Variants in FSTL5 observed in about 807,000 individuals in gnomAD.
FSTL5 encodes the protein follistatin-related protein 5.
In FSTL5, 62 loss-of-function variants were observed where a neutral mutation model predicts 89.1. The ratio of observed to expected loss-of-function variants is 0.70; its 90% CI spans 0.57 to 0.86. The LOEUF is 0.86. Ranked by LOEUF, FSTL5 falls within the 40% of genes least tolerant of loss-of-function variation. The pLI, the probability that FSTL5 is intolerant of heterozygous loss-of-function variation, is 0.00. For missense variants in FSTL5, 1,057 were observed against 1,001.6 expected (o/e 1.06, Z -0.75); for synonymous variants, 383 against 346.2 (o/e 1.11, Z -1.18).
chr4:161,403,117 T>C (rs761560003), intron 15 of FSTL5, among the ~76,000 whole-genome samples: 2 of 152,086 alleles, frequency 1.3e-5, no homozygotes, highest in East Asian at 1.9e-4. Context: ...GCGTGAGCCA[T>C]GGCGCCCGGC....
chr4:161,651,635 G>GT (rs898614808), intron 7 of FSTL5, among the ~76,000 whole-genome samples: 18 of 152,180 alleles, frequency 1.2e-4, no homozygotes, highest in Admixed American at 1.3e-4. Flanking sequence ...GATTTAAAGT[G>GT]TTTTTTCTCA....
intron 4 of FSTL5, among the ~76,000 whole-genome samples, chr4:161,832,056 A>G (rs185402962): frequency 5.3e-5 from 8 of 152,220 alleles, no homozygotes; most frequent in African/African-American, 1.7e-4. Flanking sequence ...GATGCTTAAA[A>G]GAAGGTTATG....
At chr4:162,145,487 A>T (rs1330378686) in intron 1 of FSTL5, among the ~76,000 whole-genome samples, 1 of 152,108 alleles carries the variant, frequency 6.6e-6, no homozygotes, top group Non-Finnish European at 1.5e-5. Context: ...TTCCCTACAT[A>T]TGCACTGAAG....
intron 3 of FSTL5, among the ~76,000 whole-genome samples, chr4:161,982,449 A>T (rs1434244640): frequency 1.3e-5 from 2 of 152,236 alleles, no homozygotes; most frequent in Non-Finnish European, 2.9e-5. Context: ...TTAAACATAT[A>T]GTTACAGGTA....
intron 4 of FSTL5, among the ~76,000 whole-genome samples, chr4:161,842,513 C>T (rs1489168608): frequency 1.3e-5 from 2 of 152,042 alleles, no homozygotes; most frequent in Non-Finnish European, 2.9e-5. Flanking sequence ...TCAAGTCTAT[C>T]ATCTGTTTTA....
intron 4 of FSTL5, among the ~76,000 whole-genome samples, chr4:161,839,802 G>C (rs116335705): frequency 1.8e-3 from 267 of 152,234 alleles, no homozygotes; most frequent in Middle Eastern, 3.4e-3. Context: ...CATAGTGTAT[G>C]CATTTGCTAA....
chr4:161,399,876 T>C (rs1293125866), intron 15 of FSTL5, among the ~76,000 whole-genome samples: 5 of 152,156 alleles, frequency 3.3e-5, no homozygotes, highest in East Asian at 3.9e-4. Context: ...AGTTATAATT[T>C]AATATTGCAT....
chr4:161,685,649 A>G (rs1387985083), intron 6 of FSTL5, among the ~76,000 whole-genome samples: 1 of 152,220 alleles, frequency 6.6e-6, no homozygotes, highest in Non-Finnish European at 1.5e-5. Context: ...TGTCAGTTCT[A>G]GAAGCTTTTT....
chr4:162,060,443 T>C (rs1055743165), intron 2 of FSTL5, among the ~76,000 whole-genome samples: 90 of 152,162 alleles, frequency 5.9e-4, no homozygotes, highest in African/African-American at 2.1e-3. Flanking sequence ...ATAAAGTTAG[T>C]TTAATAATGT....
At chr4:162,057,624 T>C (rs1738588085) in intron 2 of FSTL5, among the ~76,000 whole-genome samples, 1 of 152,158 alleles carries the variant, frequency 6.6e-6, no homozygotes, top group South Asian at 2.1e-4. Flanking sequence ...AATTTTACTA[T>C]ATATTCAATG....
intron 15 of FSTL5, among the ~76,000 whole-genome samples, chr4:161,416,699 G>T (rs1731795672): frequency 6.6e-6 from 1 of 151,036 alleles, no homozygotes. Context: ...CAAAAAATTA[G>T]CCGGGTGTGG....
intron 6 of FSTL5, among the ~76,000 whole-genome samples, chr4:161,750,953 G>A (rs1740371198): frequency 6.8e-6 from 1 of 147,248 alleles, no homozygotes; most frequent in Non-Finnish European, 1.5e-5. Flanking sequence ...ATTAATATTT[G>A]TATGACAAAA....
At chr4:161,538,089 C>T in intron 10 of FSTL5, 77 bp downstream of exon 10, 1 of 1,441,032 alleles carries the variant, frequency 6.9e-7, no homozygotes, top group Non-Finnish European at 9.6e-7. Flanking sequence ...TTTCTGGTGC[C>T]TTTACTTTTT....
chr4:161,815,101 T>C (rs1305805552), intron 4 of FSTL5, among the ~76,000 whole-genome samples: 1 of 152,064 alleles, frequency 6.6e-6, no homozygotes, highest in African/African-American at 2.4e-5. Context: ...TAATAGCTTA[T>C]ATTTTAAAAA....
intron 7 of FSTL5, among the ~76,000 whole-genome samples, chr4:161,597,602 C>T (rs1186268235): frequency 6.6e-6 from 1 of 151,172 alleles, no homozygotes; most frequent in Admixed American, 6.6e-5. Flanking sequence ...ACGTTGTGCA[C>T]ATGTACGCTA....
At chr4:161,575,535 C>T (rs372733377) in intron 8 of FSTL5, among the ~76,000 whole-genome samples, 28 of 151,938 alleles carry the variant, frequency 1.8e-4, no homozygotes, top group African/African-American at 6.8e-4. Context: ...TTCACTGAAA[C>T]CTCTGCCCCC....
rs535527437 is a variant in FSTL5, at chr4:161,781,505, T to C, written c.410-5431A>G. Among the ~76,000 whole-genome samples, 5 of 152,270 alleles carry C rather than the reference T, an allele frequency of 3.3e-5. No individual in the cohort carries two copies. In the East Asian group the frequency reaches 9.6e-4, roughly 29 times the overall value. On this transcript the variant is annotated intron_variant, in intron 4 of 15. Transcript: ENST00000306100. ...AGTTCTAGAGATTCACTAGTACAAA[T>C]ACACTTACACACACCACATTAGAAC...
chr4:162,069,709 C>T lies in FSTL5; in HGVS notation c.127-36051G>A, dbSNP rs553656536. Among the ~76,000 whole-genome samples, 5 of 151,992 alleles carry T rather than the reference C, an allele frequency of 3.3e-5. No homozygotes were observed. In the East Asian group the frequency reaches 9.7e-4, roughly 30 times the overall value. ...TCCTCCAGGCTCAACCATGTTGTCA[C>T]GAATGACAAGATTTCACTCCTGTTT... On this transcript the variant is annotated intron_variant, in intron 2 of 15. Coordinates refer to ENST00000306100, the MANE Select transcript of FSTL5 (RefSeq NM_020116.5).
intron 10 of FSTL5, among the ~76,000 whole-genome samples, chr4:161,527,994 A>G (rs10020271): frequency 0.026 from 3,981 of 150,998 alleles, 184 homozygotes; most frequent in African/African-American, 0.091. Context: ...TGTCCTTTGT[A>G]GGGACATGGA....
Sources: gnomAD v4.1 joint callset for allele counts (sites outside exome capture counted in the v4.1 genomes callset) on GRCh38, gnomAD v4.1.1 for gene constraint, MANE v1.5 for transcripts, NCBI Gene and HGNC (gene_info 2026-07-23, HGNC 2026-07-21) for gene names.